Variants in HSD17B14 observed in about 807,000 individuals in gnomAD.
HSD17B14 encodes the protein hydroxysteroid 17-beta dehydrogenase 14, also known as L-fucose dehydrogenase.
HSD17B14 carries 32 observed loss-of-function variants against 32.2 expected under a neutral mutation model. That is an observed-to-expected ratio of 0.99 (90% CI 0.75 to 1.33). The LOEUF (loss-of-function observed/expected upper bound fraction) is 1.33, where lower values mean the gene tolerates loss of function less well. Ranked by LOEUF, HSD17B14 falls within the 40% of genes most tolerant of loss-of-function variation. HSD17B14 has a pLI of 0.00. For synonymous variants in HSD17B14, 140 were observed against 155.4 expected (o/e 0.90, Z 0.74); for missense variants, 370 against 366.5 (o/e 1.01, Z -0.08).
intron 5 of HSD17B14, among the ~76,000 whole-genome samples, chr19:48,829,340 C>T (rs2035299000): frequency 6.6e-6 from 1 of 151,334 alleles, no homozygotes; most frequent in Non-Finnish European, 1.5e-5. Flanking sequence ...AGGAGCACCA[C>T]CATACTCAGC....
rs2035005262 is a variant in HSD17B14 at position 48,813,823 on chromosome 19, TGG to T, written c.475-95_475-94del. 1.1e-5 allele frequency: 16 copies of T among 1,403,602 alleles called. No homozygotes were observed. The South Asian group carries it at 1.9e-4, about 16-fold the overall frequency. The allele number at this position is 1,403,602 out of a possible 1,614,324, so 86.9% of individuals were successfully genotyped here. A position where few individuals can be genotyped will look rare whatever the true frequency, so the allele number is the denominator to read the frequency against. ...CCTGCCAGCCAGGGGGGCATCAGAA[TGG>T]GGAAGTCATGCCCTCCTTGAAGGCT... On this transcript the variant is annotated intron_variant, in intron 6 of 8. Coordinates refer to ENST00000263278, the MANE Select transcript of HSD17B14 (RefSeq NM_016246.3).
Position 48,813,502 on chromosome 19 carries a change from A to T in HSD17B14, c.593T>A (p.Leu198Ter). The T allele has an allele frequency of 6.2e-7, 1 of 1,613,954 alleles. No individual in the cohort carries two copies. Among genetic ancestry groups the T allele is most frequent in the Non-Finnish European group, 8.5e-7 (1 of 1,179,928 alleles). The change falls in exon 8 of 9, where the codon TTA (leucine) becomes TAA (stop). Residue 198 changes from leucine (L) to a stop codon, truncating the protein, a stop_gained. Coordinates refer to ENST00000263278, the MANE Select transcript of HSD17B14 (RefSeq NM_016246.3). LOFTEE classifies it low-confidence loss of function (END_TRUNC). The part of the protein sequence containing the change: ...WTPLWEELAA[L>*]MPDPRATIRE... ...GATTGTGGCCCTAGGGTCTGGCATT[A>T]AGGCTGCCAGCTCCTCCCACAGCGG...
intron 5 of HSD17B14, among the ~76,000 whole-genome samples, chr19:48,822,725 G>A (rs1329603693): frequency 6.6e-6 from 1 of 151,928 alleles, no homozygotes; most frequent in Admixed American, 6.6e-5. Flanking sequence ...TGGTGATGCT[G>A]TCATTGATGG....
chr19:48,831,630 G>A (rs1052175705), intron 5 of HSD17B14, 38 bp downstream of exon 5: 2 of 1,386,466 alleles, frequency 1.4e-6, no homozygotes, highest in Non-Finnish European at 2.1e-6. Flanking sequence ...CCTATCAGGA[G>A]GCTGCTCGGG....
At chr19:48,829,978 T>A (rs2035310513) in intron 5 of HSD17B14, among the ~76,000 whole-genome samples, 1 of 150,668 alleles carries the variant, frequency 6.6e-6, no homozygotes, top group Admixed American at 6.6e-5. Context: ...AATGAATTAT[T>A]TTTTTTTTGA....
In HSD17B14 at chr19:48,830,562, G is replaced by A. The variant is rs939255635; in HGVS notation, c.369+1106C>T. 3.3e-5 allele frequency among the ~76,000 whole-genome samples: 5 copies of A among 152,140 alleles called. No homozygotes were observed. In the South Asian group the frequency reaches 6.2e-4, roughly 19 times the overall value. On this transcript the variant is annotated intron_variant, in intron 5 of 8. Coordinates refer to ENST00000263278, the MANE Select transcript of HSD17B14 (RefSeq NM_016246.3). ...GAGCGCTAGCCGTCTCTGGGCTGCC[G>A]GCTAATAAAGGACTCCTGATCTTGT...
chr19:48,813,218 G>GC lies in HSD17B14; in HGVS notation c.769dup (p.Ala257GlyfsTer47). 6.2e-7 allele frequency: 1 copy of GC among 1,611,246 alleles called. No homozygotes were observed. The highest frequency in any genetic ancestry group is 8.5e-7 in the Non-Finnish European group (1 of 1,179,118). On this transcript the variant is annotated frameshift_variant, in exon 9 of 9. Coordinates refer to ENST00000263278, the MANE Select transcript of HSD17B14 (RefSeq NM_016246.3). LOFTEE classifies it low-confidence loss of function (END_TRUNC). ...GGCGTCCACGGGGGTGCTCCGACTG[G>GC]CCTTGCACCCGTACCCCAGCTCTGC...
chr19:48,819,509 C>T (rs994945794), intron 5 of HSD17B14, among the ~76,000 whole-genome samples: 1 of 152,160 alleles, frequency 6.6e-6, no homozygotes, highest in Non-Finnish European at 1.5e-5. Flanking sequence ...CTGGTTCCCA[C>T]CCCAATCTCT....
chr19:48,833,408 C>T (rs974095701), intron 3 of HSD17B14, among the ~76,000 whole-genome samples: 1 of 152,166 alleles, frequency 6.6e-6, no homozygotes, highest in Non-Finnish European at 1.5e-5. Context: ...CAGTTACATA[C>T]AGGCCACGTG....
chr19:48,825,290 G>A (rs970701450), intron 5 of HSD17B14, among the ~76,000 whole-genome samples: 28 of 149,458 alleles, frequency 1.9e-4, no homozygotes, highest in African/African-American at 6.2e-4. Flanking sequence ...GGGGGCAGGA[G>A]TCAACGGGTA....
intron 6 of HSD17B14, among the ~76,000 whole-genome samples, chr19:48,814,192 C>CT (rs2035011892): frequency 1.0e-5 from 1 of 99,494 alleles, no homozygotes; most frequent in Admixed American, 1.0e-4. Flanking sequence ...GAGACCCTAT[C>CT]TAAAAAAAAA....
In HSD17B14 at chr19:48,813,271, C is replaced by G. The variant is rs775832972; in HGVS notation, c.717G>C (p.Thr239=). The change falls in exon 9 of 9, where the codon ACG becomes ACC. Residue 239 remains threonine (T), a synonymous_variant. Transcript: ENST00000263278. ...CCCCCGTCACGAGCAGTTCAATGCC[C>G]GTGCAGAAGTTGGCTTCGGAGGCCA... ...VFLASEANFC[T]GIELLVTGGA... The G allele has an allele frequency of 1.9e-6, 3 of 1,606,806 alleles. No individual in the cohort carries two copies. Among genetic ancestry groups the G allele is most frequent in the Non-Finnish European group, 2.5e-6 (3 of 1,176,802 alleles).
At chr19:48,834,250 G>A in intron 3 of HSD17B14, 26 bp downstream of exon 3, 3 of 1,579,920 alleles carry the variant, frequency 1.9e-6, no homozygotes, top group Non-Finnish European at 2.6e-6. Context: ...AGCGGAGATG[G>A]GGGTAGGAAC....
chr19:48,824,590 GAA>G (rs1274236808), intron 5 of HSD17B14, among the ~76,000 whole-genome samples: 8 of 151,330 alleles, frequency 5.3e-5, no homozygotes, highest in Non-Finnish European at 1.5e-5. Context: ...CCAACATGGT[GAA>G]ACCCTGCCTC....
chr19:48,836,035 C>T (rs994259896), intron 1 of HSD17B14, among the ~76,000 whole-genome samples, 192 bp from the exon 2 acceptor site: 10 of 152,036 alleles, frequency 6.6e-5, no homozygotes, highest in African/African-American at 2.4e-4. Flanking sequence ...CTCCTGAACC[C>T]CCGTTCGTGG....
At position 48,815,037 on chromosome 19, in the gene HSD17B14, C is replaced by T; in HGVS notation, c.474G>A (p.Lys158=). The stretch of plus-strand genomic sequence containing the variant: ...AAGGAAGGGGTAGGGGCTGCCATAC[C>T]TTGGTGGCCACATAGGGAACTGCCT... ...QAQAVPYVAT[K]GAVTAMTKAL... The change falls in exon 6 of 9, where the codon AAG becomes AAA. Residue 158 remains lysine, a splice_region_variant and synonymous_variant. Transcript: ENST00000263278. 1 of 1,612,536 alleles carries T rather than the reference C, an allele frequency of 6.2e-7. No individual in the cohort carries two copies. Among genetic ancestry groups the T allele is most frequent in the Non-Finnish European group, 8.5e-7 (1 of 1,178,812 alleles).
intron 3 of HSD17B14, 95 bp downstream of exon 3, chr19:48,834,181 G>C (rs2035404148): frequency 5.9e-6 from 6 of 1,011,698 alleles, no homozygotes; most frequent in Admixed American, 1.9e-5. Flanking sequence ...AGGAGAGGAA[G>C]GAAAAGTAGA....
chr19:48,819,282 C>G (rs911016972), intron 5 of HSD17B14, among the ~76,000 whole-genome samples: 1 of 152,204 alleles, frequency 6.6e-6, no homozygotes, highest in Non-Finnish European at 1.5e-5. Context: ...AGCCACCATG[C>G]CCAGCTCAAA....
chr19:48,817,002 A>ATTT (rs758061335), intron 5 of HSD17B14, among the ~76,000 whole-genome samples: 197 of 97,558 alleles, frequency 2.0e-3, no homozygotes, highest in African/African-American at 7.9e-3. Context: ...CACCAGGATA[A>ATTT]TTTTTTTTTT....
Sources: allele counts gnomAD v4.1 joint callset (sites outside exome capture counted in the v4.1 genomes callset), GRCh38; gene constraint gnomAD v4.1.1; transcripts MANE v1.5; gene names NCBI Gene and HGNC (gene_info 2026-07-23, HGNC 2026-07-21).